CELF5: variants seen among roughly 807,000 people sequenced by gnomAD.
CELF5 encodes CUGBP Elav-like family member 5.
Under a neutral mutation model 54.9 loss-of-function variants are expected in CELF5, and 6 were observed. That is an observed-to-expected ratio of 0.11 (90% confidence interval 0.06 to 0.22). The LOEUF (loss-of-function observed/expected upper bound fraction) is 0.22. Among genes scored for constraint, CELF5 ranks in the 10% least tolerant of loss-of-function variants. The probability of loss-of-function intolerance (pLI) is 1.00; values close to 1 mark genes in which losing one functional copy is unlikely to be tolerated. For missense variants in CELF5, 401 were observed against 678.6 expected, an observed-to-expected ratio of 0.59 and a Z score of 4.54; for synonymous variants, 271 against 290.9, an observed-to-expected ratio of 0.93 and a Z score of 0.70.
Position 3,224,835 on chromosome 19 carries a change from C to CG in CELF5, c.102dup (p.Gln35AlafsTer93). The CG allele has an allele frequency of 6.3e-7, 1 of 1,589,318 alleles. No homozygotes were observed. Among genetic ancestry groups the CG allele is most frequent in the Non-Finnish European group, 8.6e-7 (1 of 1,169,258 alleles). On this transcript the variant is annotated frameshift_variant, in exon 1 of 13. Transcript: ENST00000292672. LOFTEE classifies it high-confidence loss of function. ...TGGGCAGCAGCGGGCCCGAGCCCCC[C>CG]GGGGGGCAGCCCGACGGCATGAAGG...
At chr19:3,259,445 C>T (rs1023910372) in intron 2 of CELF5, among the ~76,000 whole-genome samples, 5 of 151,520 alleles carry the variant, frequency 3.3e-5, no homozygotes, top group African/African-American at 9.7e-5. Context: ...CCACAGTGCC[C>T]GGGGGAGAGA....
intron 10 of CELF5, 125 bp downstream of exon 10, chr19:3,286,150 G>A: frequency 1.3e-6 from 1 of 793,390 alleles, no homozygotes. Context: ...CTGGGGGCTG[G>A]ACAGGCCAGA....
chr19:3,245,121 G>A (rs1447106070), intron 1 of CELF5, among the ~76,000 whole-genome samples: 1 of 149,782 alleles, frequency 6.7e-6, no homozygotes, highest in East Asian at 2.0e-4. Flanking sequence ...CTGTGCATGT[G>A]TGTGTGTAGT....
At chr19:3,242,259 C>A (rs2079501381) in intron 1 of CELF5, among the ~76,000 whole-genome samples, 2 of 152,178 alleles carry the variant, frequency 1.3e-5, no homozygotes, top group African/African-American at 4.8e-5. Flanking sequence ...TTTGGCCGGG[C>A]ACGATGGCTC....
intron 1 of CELF5, among the ~76,000 whole-genome samples, chr19:3,249,316 C>T (rs2079615219): frequency 6.6e-6 from 1 of 152,156 alleles, no homozygotes; most frequent in Admixed American, 6.5e-5. Context: ...GCAATCCCTA[C>T]CCCACCTTGG....
intron 1 of CELF5, among the ~76,000 whole-genome samples, chr19:3,248,877 C>CCT (rs1350346134): frequency 7.9e-6 from 1 of 127,304 alleles, no homozygotes; most frequent in Admixed American, 8.6e-5. Flanking sequence ...TTCCTTCCTT[C>CCT]CTTCCTTCCT....
rs1233057311 is a variant in CELF5, at chr19:3,228,632, G to T, written c.259+3634G>T. On this transcript the variant is annotated intron_variant, in intron 1 of 12. Transcript: ENST00000292672. This position sits in a 1 kb window ranked among gnomAD's most constrained non-coding sequence, Gnocchi z 6.0. ...GGTGCAGGTGGGGGGGGGGCCCGGC[G>T]GGGGCCCGGGTGGGGGCCCGCGGTT... 6.6e-6 allele frequency among the ~76,000 whole-genome samples: 1 copy of T among 151,594 alleles called. No homozygotes were observed. Among genetic ancestry groups the T allele is most frequent in the Non-Finnish European group, 1.5e-5 (1 of 67,752 alleles).
intron 2 of CELF5, among the ~76,000 whole-genome samples, chr19:3,263,771 G>C (rs930755464): frequency 6.6e-6 from 1 of 151,510 alleles, no homozygotes; most frequent in African/African-American, 2.4e-5. Flanking sequence ...CGGGCGTGGT[G>C]GTGGGCACCT....
intron 1 of CELF5, among the ~76,000 whole-genome samples, chr19:3,227,679 C>G (rs1917002116): frequency 6.6e-6 from 1 of 152,076 alleles, no homozygotes; most frequent in East Asian, 1.9e-4. Flanking sequence ...TTTGATTTCC[C>G]CATGGAACCC....
At chr19:3,257,966 A>AT (rs539724536) in intron 2 of CELF5, among the ~76,000 whole-genome samples, 23,000 of 144,434 alleles carry the variant, frequency 0.16, 1,844 homozygotes, top group African/African-American at 0.21. Context: ...TACCTGGCTG[A>AT]TTTTTTTTTT....
At chr19:3,225,966 C>T (rs1344202931) in intron 1 of CELF5, among the ~76,000 whole-genome samples, 1 of 152,168 alleles carries the variant, frequency 6.6e-6, no homozygotes, top group Non-Finnish European at 1.5e-5. Flanking sequence ...ACTGGATTCT[C>T]CCTCCGATGG....
chr19:3,274,048 C>T (rs1024889867), intron 3 of CELF5, 125 bp downstream of exon 3: 130 of 907,158 alleles, frequency 1.4e-4, no homozygotes, highest in Non-Finnish European at 2.0e-4. Flanking sequence ...TGGAACTGGC[C>T]TCCCTGCCCC....
Position 3,278,697 on chromosome 19 carries a change from GTGTT to G in CELF5, c.603+591_603+594del, listed in dbSNP as rs1194525053. 7.9e-5 allele frequency among the ~76,000 whole-genome samples: 12 copies of G among 151,694 alleles called. No individual in the cohort carries two copies. The highest frequency in any genetic ancestry group is 2.6e-4 in the Admixed American group (4 of 15,216). On this transcript the variant is annotated intron_variant, in intron 5 of 12. Transcript: ENST00000292672. This position sits in a 1 kb window ranked among gnomAD's most constrained non-coding sequence, Gnocchi z 4.5. ...GGCAGGTTTGTGTGTGTGTGTGTGT[GTGTT>G]TGTGTGTGTGCATGACTGTGAGTGT... is the stretch of plus-strand genomic sequence containing the variant.
intron 1 of CELF5, among the ~76,000 whole-genome samples, chr19:3,227,794 C>T (rs190320378): frequency 6.6e-6 from 1 of 152,228 alleles, no homozygotes; most frequent in East Asian, 1.9e-4. Context: ...CCCCCATTAC[C>T]CCCCCTGCCT....
At chr19:3,244,670 T>C (rs2079538735) in intron 1 of CELF5, among the ~76,000 whole-genome samples, 1 of 148,376 alleles carries the variant, frequency 6.7e-6, no homozygotes, top group African/African-American at 2.5e-5. Flanking sequence ...GTGTGTGTTG[T>C]GCATGCATCG....
At chr19:3,291,732 G>A (rs2080351876) in intron 11 of CELF5, among the ~76,000 whole-genome samples, 1 of 151,790 alleles carries the variant, frequency 6.6e-6, no homozygotes, top group African/African-American at 2.4e-5. Context: ...CCATGTGGCT[G>A]GAGCAGAGTG....
At chr19:3,240,907 G>T (rs1462967531) in intron 1 of CELF5, among the ~76,000 whole-genome samples, 1 of 151,958 alleles carries the variant, frequency 6.6e-6, no homozygotes, top group Non-Finnish European at 1.5e-5. Flanking sequence ...GTCCTTTTGG[G>T]CTGAGGTCCC....
chr19:3,281,412 C>A lies in CELF5; in HGVS notation c.750+67C>A. 1 of 1,521,070 alleles carries A rather than the reference C, an allele frequency of 6.6e-7. No homozygotes were observed. The highest frequency in any genetic ancestry group is 1.4e-5 in the African/African-American group (1 of 73,682). 94.2% of individuals were successfully genotyped at this position (1,521,070 alleles called of 1,614,324 possible). A position where few individuals can be genotyped will look rare whatever the true frequency, so the allele number is the denominator to read the frequency against. On this transcript the variant is annotated intron_variant, in intron 6 of 12. Coordinates refer to ENST00000292672, the MANE Select transcript of CELF5 (RefSeq NM_021938.4). The surrounding 1 kb of genome is among the most constrained non-coding windows in gnomAD (Gnocchi z 6.5). ...CTCTCAGTCTCTGTCTACTCTCTGTCGGGCTCCTGCCTCTCCCTCCATCTC... is the reference window on the plus strand; with the variant it reads ...CTCTCAGTCTCTGTCTACTCTCTGTAGGGCTCCTGCCTCTCCCTCCATCTC...
At chr19:3,248,054 C>T (rs909711292) in intron 1 of CELF5, among the ~76,000 whole-genome samples, 3 of 152,164 alleles carry the variant, frequency 2.0e-5, no homozygotes, top group Non-Finnish European at 2.9e-5. Flanking sequence ...TGTGCACCAC[C>T]GCACCCGGCC....
Sources: gnomAD v4.1 joint callset for allele counts (sites outside exome capture counted in the v4.1 genomes callset) on GRCh38, gnomAD v4.1.1 for gene constraint, Gnocchi (gnomAD v3.1) non-coding constraint, MANE v1.5 for transcripts, NCBI Gene and HGNC (gene_info 2026-07-23, HGNC 2026-07-21) for gene names.